The following ADARB2 variants were observed in gnomAD, a reference collection of about 807,000 sequenced individuals.
ADARB2 encodes the protein adenosine deaminase RNA specific B2 (inactive).
Under a neutral mutation model 62.2 loss-of-function variants are expected in ADARB2, and 25 were observed. The observed-to-expected ratio is 0.40, with a 90% CI of 0.29 to 0.56. The LOEUF is 0.56. Ranked by LOEUF, ADARB2 falls within the 20% of genes least tolerant of loss-of-function variation. ADARB2 has a pLI of 0.43. For synonymous variants in ADARB2, 572 were observed against 500.8 expected (o/e 1.14, Z -1.90); for missense variants, 1,071 against 1,077.4 (o/e 0.99, Z 0.08).
chr10:1,436,729 G>C (rs1830838746), intron 1 of ADARB2, among the ~76,000 whole-genome samples: 1 of 152,160 alleles, frequency 6.6e-6, no homozygotes, highest in Non-Finnish European at 1.5e-5. Context: ...TTAAACGAGT[G>C]ATTTCATTTA....
intron 1 of ADARB2, among the ~76,000 whole-genome samples, chr10:1,631,206 G>A (rs960888387): frequency 4.6e-5 from 7 of 152,126 alleles, no homozygotes; most frequent in East Asian, 1.9e-4. Context: ...ATCCATGAAC[G>A]TCCACCTCCA....
intron 1 of ADARB2, among the ~76,000 whole-genome samples, chr10:1,604,385 G>A (rs1039210777): frequency 1.3e-5 from 2 of 152,134 alleles, no homozygotes; most frequent in Non-Finnish European, 2.9e-5. Flanking sequence ...TGTTGAAGGC[G>A]TGGGTGTGGC....
intron 7 of ADARB2, among the ~76,000 whole-genome samples, chr10:1,208,245 C>T (rs1564220705): frequency 6.6e-6 from 1 of 152,256 alleles, no homozygotes; most frequent in African/African-American, 2.4e-5. Context: ...CAGTGCCAGC[C>T]TCCTAGGGCT....
chr10:1,379,832 T>C (rs1176199590), intron 1 of ADARB2, among the ~76,000 whole-genome samples: 1 of 152,224 alleles, frequency 6.6e-6, no homozygotes, highest in Admixed American at 6.5e-5. Flanking sequence ...CCTGGGTCCC[T>C]ACCACAGTGA....
At chr10:1,627,918 T>C (rs1407591885) in intron 1 of ADARB2, among the ~76,000 whole-genome samples, 1 of 152,064 alleles carries the variant, frequency 6.6e-6, no homozygotes, top group Non-Finnish European at 1.5e-5. Flanking sequence ...ATGGAGAAGG[T>C]GTGACTCCCC....
chr10:1,636,507 A>G (rs1833918664), intron 1 of ADARB2, among the ~76,000 whole-genome samples: 1 of 152,000 alleles, frequency 6.6e-6, no homozygotes, highest in Non-Finnish European at 1.5e-5. Context: ...ACAGTGAGAA[A>G]CCCTGTAAAA....
chr10:1,595,575 G>A (rs1459561424), intron 1 of ADARB2, among the ~76,000 whole-genome samples: 1 of 152,222 alleles, frequency 6.6e-6, no homozygotes, highest in South Asian at 2.1e-4. Flanking sequence ...CTGTCACCAT[G>A]AGGCCAGACC....
At chr10:1,721,073 C>T (rs997715665) in intron 1 of ADARB2, among the ~76,000 whole-genome samples, 7 of 152,288 alleles carry the variant, frequency 4.6e-5, no homozygotes, top group East Asian at 1.9e-4. Context: ...GGCCAGCACT[C>T]GCTTGAAGGA....
chr10:1,303,548 A>G (rs934427752), intron 3 of ADARB2, among the ~76,000 whole-genome samples: 25 of 152,294 alleles, frequency 1.6e-4, no homozygotes, highest in African/African-American at 5.8e-4. Flanking sequence ...ATACTCCTCA[A>G]GAAGAGCAAC....
At chr10:1,267,617 CAAT>C (rs1408310491) in intron 4 of ADARB2, among the ~76,000 whole-genome samples, 1 of 151,818 alleles carries the variant, frequency 6.6e-6, no homozygotes, top group African/African-American at 2.4e-5. Context: ...TCTTTTTTTT[CAAT>C]AAGAGAAAAA....
intron 1 of ADARB2, among the ~76,000 whole-genome samples, chr10:1,731,755 C>T (rs1835234940): frequency 6.6e-6 from 1 of 152,290 alleles, no homozygotes; most frequent in African/African-American, 2.4e-5. Flanking sequence ...CAGAGTGCAG[C>T]CCCTGCTGCT....
intron 1 of ADARB2, among the ~76,000 whole-genome samples, chr10:1,450,157 C>T (rs936767977): frequency 6.6e-6 from 1 of 152,226 alleles, no homozygotes; most frequent in African/African-American, 2.4e-5. Flanking sequence ...CCCACGCTCC[C>T]GTCGAGAGGG....
intron 3 of ADARB2, among the ~76,000 whole-genome samples, chr10:1,276,500 C>G (rs1321434312): frequency 6.6e-6 from 1 of 152,060 alleles, no homozygotes; most frequent in African/African-American, 2.4e-5. Context: ...TGTGCAGAAG[C>G]TCTTTAGTTT....
chr10:1,562,322 GC>G (rs1832795534), intron 1 of ADARB2, among the ~76,000 whole-genome samples: 1 of 152,218 alleles, frequency 6.6e-6, no homozygotes, highest in Non-Finnish European at 1.5e-5. Context: ...TTGTGCAGCT[GC>G]CGTTTCTTTC....
At chr10:1,217,961 A>G (rs1287748461) in intron 6 of ADARB2, among the ~76,000 whole-genome samples, 1 of 151,148 alleles carries the variant, frequency 6.6e-6, no homozygotes, top group Non-Finnish European at 1.5e-5. Flanking sequence ...GCCCCCCTAT[A>G]CCACATTCCC....
intron 8 of ADARB2, chr10:1,188,034 C>A (rs1836785659): frequency 1.2e-5 from 2 of 169,284 alleles, no homozygotes; most frequent in South Asian, 2.3e-4. Context: ...AATATCCAAG[C>A]CTGTCCATGA....
chr10:1,238,638 T>C (rs1249483460), intron 5 of ADARB2, among the ~76,000 whole-genome samples: 1 of 4,322 alleles, frequency 2.3e-4, no homozygotes, highest in Non-Finnish European at 3.4e-4. Flanking sequence ...TTCACTCCCC[T>C]CTGTCTCCCG....
chr10:1,206,606 A>G (rs973825257), intron 7 of ADARB2, among the ~76,000 whole-genome samples: 3 of 152,292 alleles, frequency 2.0e-5, no homozygotes, highest in Non-Finnish European at 2.9e-5. Context: ...GACAGAGGAC[A>G]CTTTTCACTC....
At chr10:1,370,651 C>T (rs111887083) in intron 2 of ADARB2, among the ~76,000 whole-genome samples, 2,809 of 152,286 alleles carry the variant, frequency 0.018, 38 homozygotes, top group Middle Eastern at 0.034. Context: ...CATTTCTATA[C>T]ATCAATAATG....
Sources: gnomAD v4.1 joint callset for allele counts (sites outside exome capture counted in the v4.1 genomes callset) on GRCh38, gnomAD v4.1.1 for gene constraint, MANE v1.5 for transcripts, NCBI Gene and HGNC (gene_info 2026-07-23, HGNC 2026-07-21) for gene names.